The following KIF5C variants were observed in gnomAD, a reference collection of about 807,000 sequenced individuals.
KIF5C encodes the protein kinesin heavy chain isoform 5C.
KIF5C carries 18 observed loss-of-function variants against 125.2 expected under a neutral mutation model. The observed-to-expected ratio is 0.14, with a 90% CI of 0.10 to 0.21. KIF5C has a LOEUF of 0.21. Ranked by LOEUF, KIF5C falls within the 10% of genes least tolerant of loss-of-function variation. The probability of loss-of-function intolerance (pLI) is 1.00; values close to 1 mark genes in which losing one functional copy is unlikely to be tolerated. For missense variants in KIF5C, 780 were observed against 1,183.8 expected (o/e 0.66, Z 5.01); for synonymous variants, 405 against 434.0 (o/e 0.93, Z 0.83).
intron 1 of KIF5C, chr2:148,878,762 C>T (rs1681265563): frequency 6.6e-6 from 1 of 152,208 alleles, no homozygotes; most frequent in African/African-American, 2.4e-5. Flanking sequence ...TGTACACAAC[C>T]TTCCTTAGTT....
intron 1 of KIF5C, among the ~76,000 whole-genome samples, chr2:148,891,112 T>C (rs528765150): frequency 2.0e-5 from 3 of 152,328 alleles, no homozygotes; most frequent in Non-Finnish European, 4.4e-5. Flanking sequence ...ATTTGGGATA[T>C]TGCATATTTC....
In KIF5C at chr2:148,998,656, T is replaced by G; in HGVS notation, c.2210+147T>G. The G allele has an allele frequency of 2.3e-6, 3 of 1,320,884 alleles. No homozygotes were observed. In the East Asian group the frequency reaches 7.8e-5, roughly 34 times the overall value. 81.8% of individuals were successfully genotyped at this position (1,320,884 alleles called of 1,614,324 possible). A position where few individuals can be genotyped will look rare whatever the true frequency, so the allele number is the denominator to read the frequency against. On this transcript the variant is annotated intron_variant, in intron 19 of 25. Transcript: ENST00000435030. Reference sequence around the variant, plus strand: ...TGGTGACACAGCAGGCTGGGCGGGCTGCTTCCAAGGTCTGTTCTCCGATCT... The same window carrying G: ...TGGTGACACAGCAGGCTGGGCGGGCGGCTTCCAAGGTCTGTTCTCCGATCT...
intron 25 of KIF5C, among the ~76,000 whole-genome samples, chr2:149,022,224 C>T (rs1016761557): frequency 6.6e-6 from 1 of 152,014 alleles, no homozygotes; most frequent in African/African-American, 2.4e-5. Context: ...TTTTAATTTC[C>T]CCCTAGGAAT....
intron 22 of KIF5C, among the ~76,000 whole-genome samples, chr2:149,005,719 A>G (rs1681986593): frequency 6.6e-6 from 1 of 152,162 alleles, no homozygotes; most frequent in African/African-American, 2.4e-5. Context: ...ATGAACGCAT[A>G]TTTTTCTGGC....
At chr2:148,895,689 G>C (rs1269101033) in intron 1 of KIF5C, among the ~76,000 whole-genome samples, 1 of 152,144 alleles carries the variant, frequency 6.6e-6, no homozygotes, top group East Asian at 1.9e-4. Context: ...TACAGACTCA[G>C]TGGCTTAAGC....
intron 11 of KIF5C, among the ~76,000 whole-genome samples, chr2:148,972,383 G>A (rs1680942203): frequency 6.6e-6 from 1 of 152,208 alleles, no homozygotes; most frequent in Non-Finnish European, 1.5e-5. Context: ...GGTGTTGATG[G>A]TAAACATTGT....
intron 1 of KIF5C, among the ~76,000 whole-genome samples, chr2:148,877,528 C>T (rs1305549381): frequency 2.6e-5 from 4 of 152,256 alleles, no homozygotes; most frequent in Non-Finnish European, 4.4e-5. Context: ...CAGCCAGTAT[C>T]TGCCTACAGC....
chr2:148,983,856 A>C, intron 15 of KIF5C, 90 bp downstream of exon 15: 1 of 1,359,930 alleles, frequency 7.4e-7, no homozygotes, highest in Non-Finnish European at 9.6e-7. Context: ...AATGCTTAGC[A>C]CTGTGCTTTG....
At chr2:148,884,669 C>T (rs6750995) in intron 1 of KIF5C, among the ~76,000 whole-genome samples, 4,364 of 152,260 alleles carry the variant, frequency 0.029, 204 homozygotes, top group African/African-American at 0.1. Context: ...TTAATTTTAA[C>T]ATAACCACAA....
intron 12 of KIF5C, among the ~76,000 whole-genome samples, chr2:148,976,335 C>T (rs1288858751): frequency 6.6e-6 from 1 of 151,400 alleles, no homozygotes; most frequent in Non-Finnish European, 1.5e-5. Context: ...AGTGGTGCGA[C>T]CTCAGTGCAC....
At chr2:148,988,906 C>T (rs1355281179) in intron 15 of KIF5C, among the ~76,000 whole-genome samples, 1 of 152,212 alleles carries the variant, frequency 6.6e-6, no homozygotes, top group East Asian at 1.9e-4. Flanking sequence ...GACATACATT[C>T]TGCAGTATTG....
At chr2:148,911,924 C>T (rs1276264386) in intron 1 of KIF5C, among the ~76,000 whole-genome samples, 1 of 152,158 alleles carries the variant, frequency 6.6e-6, no homozygotes, top group Non-Finnish European at 1.5e-5. Flanking sequence ...CCATCTCCCT[C>T]ATCACACTGA....
intron 25 of KIF5C, among the ~76,000 whole-genome samples, chr2:149,016,158 C>T (rs1682350317): frequency 6.6e-6 from 1 of 152,084 alleles, no homozygotes; most frequent in Admixed American, 6.6e-5. Context: ...CTGGGAGAAC[C>T]CATCTTCATT....
chr2:148,953,296 T>C (rs1178396970), intron 10 of KIF5C, among the ~76,000 whole-genome samples: 2 of 152,230 alleles, frequency 1.3e-5, no homozygotes, highest in African/African-American at 2.4e-5. Flanking sequence ...TTGCTGAACA[T>C]TGATGCCATT....
chr2:148,945,635 G>C (rs1682504111), intron 7 of KIF5C, among the ~76,000 whole-genome samples: 1 of 152,086 alleles, frequency 6.6e-6, no homozygotes, highest in African/African-American at 2.4e-5. Flanking sequence ...TAATTTGTGA[G>C]GTTTTGGTGC....
intron 1 of KIF5C, among the ~76,000 whole-genome samples, chr2:148,881,422 C>G (rs1681349244): frequency 6.6e-6 from 1 of 151,814 alleles, no homozygotes; most frequent in South Asian, 2.1e-4. Flanking sequence ...GTAGCTTTTT[C>G]TTTTTCTTTT....
At chr2:148,995,153 C>G (rs1574822709) in intron 17 of KIF5C, among the ~76,000 whole-genome samples, 1 of 152,200 alleles carries the variant, frequency 6.6e-6, no homozygotes, top group African/African-American at 2.4e-5. Context: ...AGAGGCCCCT[C>G]TGGTTCACTG....
At chr2:149,011,729 T>C in intron 25 of KIF5C, 46 bp downstream of exon 25, 1 of 1,610,874 alleles carries the variant, frequency 6.2e-7, no homozygotes, top group East Asian at 2.2e-5. Flanking sequence ...AGGCAGAGGC[T>C]TCTTGCCTTT....
intron 1 of KIF5C, among the ~76,000 whole-genome samples, chr2:148,885,194 C>A (rs572080615): frequency 6.6e-6 from 1 of 152,250 alleles, no homozygotes; most frequent in Admixed American, 6.5e-5. Flanking sequence ...CCATGTTGCC[C>A]AGGCTGGATT....
Sources: allele counts gnomAD v4.1 joint callset (sites outside exome capture counted in the v4.1 genomes callset), GRCh38; gene constraint gnomAD v4.1.1; transcripts MANE v1.5; gene names NCBI Gene and HGNC (gene_info 2026-07-23, HGNC 2026-07-21).